Variants in POLR1B observed in about 807,000 individuals in gnomAD.
POLR1B encodes the protein DNA-directed RNA polymerase I subunit RPA2.
A neutral mutation model predicts 105.8 loss-of-function variants in POLR1B; 30 were observed. The ratio of observed to expected loss-of-function variants is 0.28; its 90% CI spans 0.21 to 0.38. The LOEUF (loss-of-function observed/expected upper bound fraction) is 0.38. Among genes scored for constraint, POLR1B ranks in the 10% least tolerant of loss-of-function variants. The pLI is 1.00. For missense variants in POLR1B, 976 were observed against 1,435.8 expected, an observed-to-expected ratio of 0.68 and a Z score of 5.17; for synonymous variants, 485 against 505.1, an observed-to-expected ratio of 0.96 and a Z score of 0.53.
At chr2:112,556,488 T>C (rs770737637) in intron 7 of POLR1B, among the ~76,000 whole-genome samples, 21 of 152,218 alleles carry the variant, frequency 1.4e-4, no homozygotes, top group Non-Finnish European at 8.8e-5. Context: ...CACAGTGATA[T>C]TAAATGCAGT....
chr2:112,559,252 A>C, intron 8 of POLR1B, 41 bp from the exon 9 acceptor site: 5 of 1,602,596 alleles, frequency 3.1e-6, no homozygotes, highest in Non-Finnish European at 4.3e-6. Context: ...TCCATTTTTC[A>C]AAAGATTGGC....
intron 7 of POLR1B, among the ~76,000 whole-genome samples, chr2:112,555,324 G>A (rs1268929884): frequency 6.6e-6 from 1 of 151,952 alleles, no homozygotes; most frequent in Admixed American, 6.6e-5. Flanking sequence ...GGGCAAAAGA[G>A]CAAGACCTTA....
In POLR1B at chr2:112,572,013, T is replaced by C. The variant is rs1684620342; in HGVS notation, c.2075-549T>C. Among the ~76,000 whole-genome samples, 3 of 152,200 alleles carry C rather than the reference T, an allele frequency of 2.0e-5. No homozygotes were observed. In the South Asian group the frequency reaches 6.2e-4, roughly 32 times the overall value. On this transcript the variant is annotated intron_variant, in intron 12 of 14. Coordinates refer to ENST00000263331, the MANE Select transcript of POLR1B (RefSeq NM_019014.6). ...CTAAGTCTATAATTTTTTTAAAAATTTCACTTGTATGTATTTATATTTTAA... is the reference window on the plus strand; with the variant it reads ...CTAAGTCTATAATTTTTTTAAAAATCTCACTTGTATGTATTTATATTTTAA...
At position 112,565,976 on chromosome 2, in the gene POLR1B, A is replaced by T. The variant is rs114400670; in HGVS notation, c.1746+1477A>T. Among the ~76,000 whole-genome samples the T allele has an allele frequency of 4.8e-3, 735 of 152,198 alleles. 7 individuals carry two copies. Among genetic ancestry groups the T allele is most frequent in the African/African-American group, 0.017 (704 of 41,520 alleles). On this transcript the variant is annotated intron_variant, in intron 10 of 14. Transcript: ENST00000263331. ...TTTTTGAGTCAGAGTCTTGTGCCTC[A>T]GCCTCCTGAGTAGCTGAGACTACAG...
chr2:112,550,914 A>G lies in POLR1B; in HGVS notation c.674A>G (p.Asn225Ser). The part of the protein sequence containing the change: ...VREEHSAVNM[N>S]LHYLENGTVM... ...GAAGAACATTCCGCTGTCAATATGA[A>G]CCTCCACTACTTGGAAAATGGCACT... is the stretch of plus-strand genomic sequence containing the variant. The change falls in exon 5 of 15, where the codon AAC becomes AGC. Residue 225 changes from asparagine to serine, a missense_variant. Coordinates refer to ENST00000263331, the MANE Select transcript of POLR1B (RefSeq NM_019014.6). The G allele has an allele frequency of 6.2e-7, 1 of 1,613,808 alleles. No individual in the cohort carries two copies. The highest frequency in any genetic ancestry group is 8.5e-7 in the Non-Finnish European group (1 of 1,179,756).
rs1285687151 is a variant in POLR1B at position 112,564,380 on chromosome 2, G to C, written c.1627G>C (p.Asp543His). The C allele has an allele frequency of 6.2e-7, 1 of 1,613,986 alleles. No individual in the cohort carries two copies. The highest frequency in any genetic ancestry group is 8.5e-7 in the Non-Finnish European group (1 of 1,179,968). ...LLCNLGVTPI[D>H]GAPHRSYSEC... ...TCCTTTACCAGGGGTCACTCCCATTGATGGAGCTCCCCACCGATCATACAG... is the reference window on the plus strand; with the variant it reads ...TCCTTTACCAGGGGTCACTCCCATTCATGGAGCTCCCCACCGATCATACAG... The change falls in exon 10 of 15, where the codon GAT becomes CAT. Residue 543 changes from aspartate to histidine, a missense_variant. Around this residue, in one of 12 missense-constraint regions of POLR1B, gnomAD observed 184 missense variants for 197.4 expected, o/e 0.93. Coordinates refer to ENST00000263331, the MANE Select transcript of POLR1B (RefSeq NM_019014.6).
chr2:112,564,268 T>C, intron 9 of POLR1B, 98 bp from the exon 10 acceptor site: 1 of 1,402,034 alleles, frequency 7.1e-7, no homozygotes, highest in South Asian at 1.3e-5. Flanking sequence ...TAATTTGATA[T>C]CTGAACTGAT....
At chr2:112,547,861 G>A (rs1683139493) in intron 3 of POLR1B, among the ~76,000 whole-genome samples, 1 of 150,314 alleles carries the variant, frequency 6.7e-6, no homozygotes, top group South Asian at 2.1e-4. Context: ...TTTTTTTCAA[G>A]CTGTCTTAAT....
chr2:112,560,365 G>A (rs1302572443), intron 9 of POLR1B, among the ~76,000 whole-genome samples: 3 of 152,050 alleles, frequency 2.0e-5, no homozygotes, highest in African/African-American at 4.8e-5. Flanking sequence ...ATCTCTTGGC[G>A]GATCTTTGCA....
chr2:112,546,901 A>T (rs1254965344), intron 1 of POLR1B, 111 bp from the exon 2 acceptor site: 2 of 1,203,038 alleles, frequency 1.7e-6, no homozygotes, highest in African/African-American at 1.5e-5. Flanking sequence ...TAGGTGTGTC[A>T]TGGTGGCATC....
At chr2:112,560,617 C>G (rs897841759) in intron 9 of POLR1B, among the ~76,000 whole-genome samples, 2 of 152,070 alleles carry the variant, frequency 1.3e-5, no homozygotes, top group Non-Finnish European at 2.9e-5. Flanking sequence ...AATGTTCTGT[C>G]TTTGGTGGTC....
intron 10 of POLR1B, 76 bp from the exon 11 acceptor site, chr2:112,567,891 C>A: frequency 1.6e-6 from 2 of 1,275,456 alleles, no homozygotes; most frequent in Non-Finnish European, 2.2e-6. Context: ...GAGTGGTATT[C>A]CATGGGGCAT....
At position 112,572,554 on chromosome 2, in the gene POLR1B, C is replaced by A; in HGVS notation, c.2075-8C>A. ...CAGAAAATGCTAAGATGTTTTTTCT[C>A]CATGTAGGTAAGCAAACTATGGGCT... On this transcript the variant is annotated splice_region_variant and splice_polypyrimidine_tract_variant and intron_variant, in intron 12 of 14. Coordinates refer to ENST00000263331, the MANE Select transcript of POLR1B (RefSeq NM_019014.6). The A allele has an allele frequency of 6.5e-7, 1 of 1,548,144 alleles. No individual in the cohort carries two copies. Among genetic ancestry groups the A allele is most frequent in the South Asian group, 1.2e-5 (1 of 81,734 alleles).
chr2:112,564,297 A>C, intron 9 of POLR1B, 69 bp from the exon 10 acceptor site: 1 of 1,578,450 alleles, frequency 6.3e-7, no homozygotes, highest in Non-Finnish European at 8.7e-7. Context: ...TGTTGACCCC[A>C]TCTGGAGGGA....
At chr2:112,549,918 C>T (rs1286353979) in intron 4 of POLR1B, among the ~76,000 whole-genome samples, 1 of 147,976 alleles carries the variant, frequency 6.8e-6, no homozygotes, top group Non-Finnish European at 1.5e-5. Context: ...TTGTGGAAAT[C>T]ATTATAATAT....
chr2:112,542,098 A>G (rs376139918), upstream of POLR1B: 113 of 1,535,430 alleles, frequency 7.4e-5, 1 homozygote, highest in South Asian at 1.1e-3. Context: ...GGTGAAGGGA[A>G]ACAGAAGAGA....
rs940863168 is a variant in POLR1B, at chr2:112,577,953, C to T, written c.*2224C>T. Among the ~76,000 whole-genome samples the T allele has an allele frequency of 2.0e-5, 3 of 151,972 alleles. No homozygotes were observed. Among genetic ancestry groups the T allele is most frequent in the Admixed American group, 1.3e-4 (2 of 15,236 alleles). ...GGAAAAAGTCGATTCTACTGACTGA[C>T]GTTTCCCCCTGCTGTTAAGAATCCC... On this transcript the variant is annotated 3_prime_UTR_variant, in exon 15 of 15. Transcript: ENST00000263331.
Position 112,552,740 on chromosome 2 carries a change from G to T in POLR1B, c.1082G>T (p.Cys361Phe), listed in dbSNP as rs777358649. 2 of 1,612,264 alleles carry T rather than the reference G, an allele frequency of 1.2e-6. No homozygotes were observed. Among genetic ancestry groups the T allele is most frequent in the East Asian group, 2.2e-5 (1 of 44,828 alleles). Reference sequence around the variant, plus strand: ...CTCTTTGCTTTAGCCAAAGGAGAGTGCATGGAGGACAATCCTGATAGTTTG... The same window carrying T: ...CTCTTTGCTTTAGCCAAAGGAGAGTTCATGGAGGACAATCCTGATAGTTTG... Reference protein sequence around the residue: ...RKLFALAKGECMEDNPDSLVN... With the variant: ...RKLFALAKGEFMEDNPDSLVN... Residue 361 changes from cysteine (C) to phenylalanine (F), a missense_variant, in exon 7 of 15, where the codon TGC (cysteine) becomes TTC (phenylalanine). Physicochemically the swap from Cys to Phe is radical, Grantham distance 205. Around this residue, in one of 12 missense-constraint regions of POLR1B, gnomAD observed 452 missense variants for 616.5 expected, o/e 0.73. Transcript: ENST00000263331.
At chr2:112,544,577 T>A (rs914356522) in intron 1 of POLR1B, among the ~76,000 whole-genome samples, 1 of 152,246 alleles carries the variant, frequency 6.6e-6, no homozygotes, top group Non-Finnish European at 1.5e-5. Context: ...TGGATTCTCA[T>A]GTCTGCTTGT....
Sources: gnomAD v4.1 joint callset for allele counts (sites outside exome capture counted in the v4.1 genomes callset) on GRCh38, gnomAD v4.1.1 for gene constraint, gnomAD v4.1.1 regional missense constraint, MANE v1.5 for transcripts, NCBI Gene and HGNC (gene_info 2026-07-23, HGNC 2026-07-21) for gene names.